TTC3: variants seen among roughly 807,000 people sequenced by gnomAD.
TTC3 encodes the protein tetratricopeptide repeat domain 3.
TTC3 carries 180 observed loss-of-function variants against 249.6 expected under a neutral mutation model. The observed-to-expected ratio is 0.72, with a 90% CI of 0.64 to 0.82. TTC3 has a LOEUF of 0.82. TTC3 is among the 40% of genes least tolerant of loss of function. TTC3 has a pLI of 0.00. For synonymous variants in TTC3, 717 were observed against 805.0 expected (o/e 0.89, Z 1.85); for missense variants, 2,061 against 2,398.4 (o/e 0.86, Z 2.94).
At chr21:37,073,426 G>A in intron 1 of TTC3, 1 of 986,714 alleles carries the variant, frequency 1.0e-6, no homozygotes, top group Non-Finnish European at 1.2e-6. Context: ...CGCTGCAGCC[G>A]AGATGCCGGG....
rs2084785747 is a variant in TTC3 at position 37,195,525 on chromosome 21, A to G, written c.5218-150A>G. Reference sequence around the variant, plus strand: ...AAGTTATTGTCAAGAATTCTTTTAAAACGAAAATATTTAATTCATGGTATT... The same window carrying G: ...AAGTTATTGTCAAGAATTCTTTTAAGACGAAAATATTTAATTCATGGTATT... On this transcript the variant is annotated intron_variant, in intron 41 of 45. Coordinates refer to ENST00000355666, the Ensembl canonical transcript of TTC3. 2.6e-6 allele frequency: 3 copies of G among 1,153,232 alleles called. No homozygotes were observed. The East Asian group carries it at 7.5e-5, about 29-fold the overall frequency. The allele number at this position is 1,153,232 out of a possible 1,614,324, so 71.4% of individuals were successfully genotyped here. A position where few individuals can be genotyped will look rare whatever the true frequency, so the allele number is the denominator to read the frequency against.
At chr21:37,188,698 A>G (rs2083600586) in intron 39 of TTC3, 103 bp downstream of exon 39, 2 of 741,042 alleles carry the variant, frequency 2.7e-6, no homozygotes, top group Admixed American at 3.0e-5. Context: ...TATTTTTAAT[A>G]GTTATATAAT....
intron 28 of TTC3, chr21:37,157,288 TG>T: frequency 2.3e-5 from 21 of 904,882 alleles, no homozygotes; most frequent in Non-Finnish European, 3.0e-5. Context: ...GAATCTAGAA[TG>T]GATAGCATTC....
intron 1 of TTC3, among the ~76,000 whole-genome samples, chr21:37,076,950 C>A (rs1221016761): frequency 6.6e-6 from 1 of 152,080 alleles, no homozygotes; most frequent in East Asian, 1.9e-4. Flanking sequence ...ATCTGCCCGA[C>A]TCGGCCTCCC....
At chr21:37,176,013 C>G (rs979687270) in intron 35 of TTC3, among the ~76,000 whole-genome samples, 1 of 152,110 alleles carries the variant, frequency 6.6e-6, no homozygotes, top group African/African-American at 2.4e-5. Context: ...TCCTGTGATC[C>G]TCCCACCTCG....
chr21:37,109,283 G>A (rs924797573), intron 11 of TTC3, among the ~76,000 whole-genome samples: 3 of 152,200 alleles, frequency 2.0e-5, no homozygotes, highest in East Asian at 3.9e-4. Flanking sequence ...CCGGGGAAGC[G>A]CAAGGGGTCA....
At chr21:37,149,756 C>T (rs1360188697) in intron 23 of TTC3, among the ~76,000 whole-genome samples, 1 of 152,214 alleles carries the variant, frequency 6.6e-6, no homozygotes, top group Non-Finnish European at 1.5e-5. Context: ...TCTGGAACAT[C>T]TTCCTGTGTC....
chr21:37,192,765 T>C (rs2084339218), intron 41 of TTC3, among the ~76,000 whole-genome samples: 1 of 152,196 alleles, frequency 6.6e-6, no homozygotes, highest in African/African-American at 2.4e-5. Context: ...TTTTACTATT[T>C]GTTTGAGGTA....
intron 1 of TTC3, among the ~76,000 whole-genome samples, chr21:37,080,386 T>C (rs1338078764): frequency 6.6e-6 from 1 of 151,744 alleles, no homozygotes; most frequent in Admixed American, 6.6e-5. Flanking sequence ...TTTTTTGCCC[T>C]TGCTTTATGG....
intron 31 of TTC3, among the ~76,000 whole-genome samples, chr21:37,163,650 T>TA (rs2080982950): frequency 6.6e-6 from 1 of 152,006 alleles, no homozygotes; most frequent in South Asian, 2.1e-4. Context: ...ACACCTGGCT[T>TA]AAAAAAAACC....
chr21:37,137,477 G>A (rs183286880), intron 18 of TTC3, among the ~76,000 whole-genome samples: 1 of 152,266 alleles, frequency 6.6e-6, no homozygotes, highest in African/African-American at 2.4e-5. Flanking sequence ...CAGATGTGGT[G>A]GAACAAGCAA....
intron 11 of TTC3, among the ~76,000 whole-genome samples, chr21:37,115,201 A>AATAAT (rs1213970949): frequency 2.7e-5 from 4 of 149,970 alleles, no homozygotes; most frequent in East Asian, 2.0e-4. Context: ...TAATAATAAT[A>AATAAT]AAGAAACTAT....
intron 1 of TTC3, among the ~76,000 whole-genome samples, chr21:37,074,522 G>C (rs2146837045): frequency 6.6e-6 from 1 of 152,242 alleles, no homozygotes; most frequent in East Asian, 1.9e-4. Flanking sequence ...GGTTTATAGA[G>C]TATTTTATGG....
chr21:37,128,389 G>C (rs12185870), intron 15 of TTC3, among the ~76,000 whole-genome samples: 77,006 of 152,044 alleles, frequency 0.51, 20,299 homozygotes, highest in African/African-American at 0.63. Context: ...ACCTCAGCCT[G>C]CCTTAGCAGC....
intron 12 of TTC3, 147 bp downstream of exon 12, chr21:37,122,126 G>A (rs2076633191): frequency 4.6e-6 from 3 of 652,770 alleles, no homozygotes; most frequent in African/African-American, 1.9e-5. Flanking sequence ...TGGCACTTGA[G>A]TTTTTCATTT....
intron 11 of TTC3, among the ~76,000 whole-genome samples, chr21:37,109,696 C>T (rs2147803970): frequency 6.6e-6 from 1 of 152,354 alleles, no homozygotes; most frequent in Admixed American, 6.5e-5. Context: ...CCCTGTCTGA[C>T]AGCTTTGAAG....
At chr21:37,167,386 C>T (rs1041199837) in intron 33 of TTC3, among the ~76,000 whole-genome samples, 169 bp from the exon 34 acceptor site, 1 of 151,954 alleles carries the variant, frequency 6.6e-6, no homozygotes, top group African/African-American at 2.4e-5. Flanking sequence ...TATGCTAATT[C>T]TAAATAACTT....
At position 37,082,650 on chromosome 21, in the gene TTC3, C is replaced by T. The variant is rs186853377; in HGVS notation, c.-11-4597C>T. ...TCTAGCTCAAGGTTTGTTGCTTTTG[C>T]GTGGAGAGGGTGCCTTCACATGTTC... is the stretch of plus-strand genomic sequence containing the variant. On this transcript the variant is annotated intron_variant, in intron 1 of 45. Transcript: ENST00000355666. 1.4e-5 allele frequency: 14 copies of T among 985,232 alleles called. No homozygotes were observed. In the East Asian group the frequency reaches 1.0e-3, roughly 72 times the overall value. 61.0% of individuals were successfully genotyped at this position (985,232 alleles called of 1,614,324 possible). A position where few individuals can be genotyped will look rare whatever the true frequency, so the allele number is the denominator to read the frequency against.
At chr21:37,181,090 G>A (rs1307918812) in intron 35 of TTC3, among the ~76,000 whole-genome samples, 7 of 152,176 alleles carry the variant, frequency 4.6e-5, no homozygotes, top group Non-Finnish European at 5.9e-5. Flanking sequence ...TCAGAAACAA[G>A]CTCGTGATAG....
Sources: gnomAD v4.1 joint callset for allele counts (sites outside exome capture counted in the v4.1 genomes callset) on GRCh38, gnomAD v4.1.1 for gene constraint, MANE v1.5 for transcripts, NCBI Gene and HGNC (gene_info 2026-07-23, HGNC 2026-07-21) for gene names.